SLIT2: variants seen among roughly 807,000 people sequenced by gnomAD.
SLIT2 encodes the protein slit guidance ligand 2, also known as slit homolog 2 protein.
SLIT2 carries 41 observed loss-of-function variants against 185.7 expected under a neutral mutation model. That is an observed-to-expected ratio of 0.22 (90% CI 0.17 to 0.29). The LOEUF (loss-of-function observed/expected upper bound fraction) is 0.29. Ranked by LOEUF, SLIT2 falls within the 10% of genes least tolerant of loss-of-function variation. The pLI is 1.00. For synonymous variants in SLIT2, 693 were observed against 680.2 expected (o/e 1.02, Z -0.29); for missense variants, 1,571 against 1,909.0 (o/e 0.82, Z 3.30).
intron 29 of SLIT2, among the ~76,000 whole-genome samples, chr4:20,585,402 T>A (rs897152757): frequency 6.6e-6 from 1 of 152,186 alleles, no homozygotes. Context: ...AAATCACAAA[T>A]GCCAGGCAAT....
rs1199019851 is a variant in SLIT2 at position 20,593,851 on chromosome 4, C to A, written c.3183-1846C>A. ...GGGGTACAAACACAGTTCTGTAAAA[C>A]CTGAATTCTGCAAAGCCTGAATTCT... On this transcript the variant is annotated intron_variant, in intron 30 of 36. Transcript: ENST00000504154. Among the ~76,000 whole-genome samples the A allele has an allele frequency of 6.6e-5, 10 of 151,820 alleles. 1 individual carries two copies. The South Asian group carries it at 2.1e-3, about 32-fold the overall frequency.
In SLIT2 at chr4:20,254,703, C is replaced by A. The variant is rs1346606901; in HGVS notation, c.179+709C>A. Among the ~76,000 whole-genome samples the A allele has an allele frequency of 6.6e-6, 1 of 152,090 alleles. No individual in the cohort carries two copies. The highest frequency in any genetic ancestry group is 2.4e-5 in the African/African-American group (1 of 41,432). ...GGAGGACCGTGTCCCATCCGTTAAG[C>A]GAAGTTAGCACTGGTTCTCCAGCGC... On this transcript the variant is annotated intron_variant, in intron 1 of 36. Transcript: ENST00000504154. This position sits in a 1 kb window ranked among gnomAD's most constrained non-coding sequence, Gnocchi z 5.1.
intron 4 of SLIT2, among the ~76,000 whole-genome samples, chr4:20,460,527 T>C (rs1022758496): frequency 1.3e-5 from 2 of 152,146 alleles, no homozygotes; most frequent in Non-Finnish European, 2.9e-5. Context: ...TATGATATAT[T>C]GTCATTAACT....
intron 29 of SLIT2, among the ~76,000 whole-genome samples, chr4:20,582,691 C>G (rs1262835054): frequency 6.6e-6 from 1 of 152,112 alleles, no homozygotes; most frequent in Admixed American, 6.6e-5. Context: ...TCTTAGCATC[C>G]TCAGTGTACA....
chr4:20,330,001 T>G lies in SLIT2; in HGVS notation c.395+61120T>G, dbSNP rs1719927920. On this transcript the variant is annotated intron_variant, in intron 4 of 36. Transcript: ENST00000504154. The stretch of plus-strand genomic sequence containing the variant: ...AATTTTATCATTTTTTATTTTCTTC[T>G]TTGCCTCTTTTATTTCCTTTTTCTT... 3.9e-5 allele frequency among the ~76,000 whole-genome samples: 6 copies of G among 152,178 alleles called. No individual in the cohort carries two copies. In the South Asian group the frequency reaches 1.2e-3, roughly 32 times the overall value.
chr4:20,422,090 C>T (rs1728213265), intron 4 of SLIT2, among the ~76,000 whole-genome samples: 1 of 152,124 alleles, frequency 6.6e-6, no homozygotes, highest in South Asian at 2.1e-4. Context: ...CAAGTTCACA[C>T]TTCATAATAC....
intron 5 of SLIT2, among the ~76,000 whole-genome samples, chr4:20,477,130 G>A (rs141469478): frequency 1.4e-5 from 2 of 147,406 alleles, no homozygotes; most frequent in East Asian, 4.0e-4. Flanking sequence ...TTATTCTAGG[G>A]CATCAGAAGA....
At chr4:20,423,284 T>A (rs1023547950) in intron 4 of SLIT2, among the ~76,000 whole-genome samples, 1 of 152,014 alleles carries the variant, frequency 6.6e-6, no homozygotes, top group African/African-American at 2.4e-5. Context: ...AAAAGGAGAC[T>A]TAGGACAATG....
intron 9 of SLIT2, among the ~76,000 whole-genome samples, chr4:20,501,670 A>G (rs1187104443): frequency 6.6e-6 from 1 of 152,192 alleles, no homozygotes; most frequent in Non-Finnish European, 1.5e-5. Flanking sequence ...AAAACAGTGT[A>G]AAAAGAATTA....
chr4:20,472,484 C>CTATA (rs1171537168), intron 5 of SLIT2, among the ~76,000 whole-genome samples: 4 of 14,714 alleles, frequency 2.7e-4, no homozygotes, highest in African/African-American at 1.1e-3. Flanking sequence ...AGATATATAT[C>CTATA]TATATATAGA....
intron 15 of SLIT2, 26 bp downstream of exon 15, chr4:20,525,198 A>C: frequency 6.5e-7 from 1 of 1,548,890 alleles, no homozygotes; most frequent in Non-Finnish European, 8.9e-7. Context: ...TAGTAGGACT[A>C]ACTACAGACA....
At chr4:20,527,827 T>C (rs1036317039) in intron 15 of SLIT2, among the ~76,000 whole-genome samples, 1 of 152,214 alleles carries the variant, frequency 6.6e-6, no homozygotes. Context: ...TCTTTCCTTC[T>C]TGGTGATCTT....
At chr4:20,466,207 G>C (rs992110101) in intron 4 of SLIT2, among the ~76,000 whole-genome samples, 1 of 151,912 alleles carries the variant, frequency 6.6e-6, no homozygotes. Flanking sequence ...TGTCATCGAG[G>C]CTTTTAAATA....
chr4:20,616,161 T>G (rs916089197), intron 34 of SLIT2: 13 of 152,366 alleles, frequency 8.5e-5, no homozygotes, highest in African/African-American at 3.1e-4. Context: ...GAAAAAATGA[T>G]GTGAATGAGG....
At chr4:20,492,814 A>G (rs1717897822) in intron 9 of SLIT2, among the ~76,000 whole-genome samples, 1 of 152,192 alleles carries the variant, frequency 6.6e-6, no homozygotes, top group Non-Finnish European at 1.5e-5. Flanking sequence ...TTTAATTATG[A>G]TAATAAAGTA....
intron 15 of SLIT2, among the ~76,000 whole-genome samples, chr4:20,527,117 A>T (rs1039865802): frequency 6.6e-6 from 1 of 152,224 alleles, no homozygotes; most frequent in African/African-American, 2.4e-5. Flanking sequence ...TGAAAAGTTC[A>T]TTAAAAAGTG....
intron 22 of SLIT2, among the ~76,000 whole-genome samples, chr4:20,546,862 C>G (rs1424872801): frequency 6.6e-6 from 1 of 151,782 alleles, no homozygotes; most frequent in African/African-American, 2.4e-5. Flanking sequence ...GAAAACTTTT[C>G]AGAACACAAA....
chr4:20,322,161 C>T (rs1218317402), intron 4 of SLIT2, among the ~76,000 whole-genome samples: 1 of 152,156 alleles, frequency 6.6e-6, no homozygotes, highest in Admixed American at 6.5e-5. Context: ...CATATGTGAA[C>T]CTCCAAATCT....
intron 5 of SLIT2, among the ~76,000 whole-genome samples, chr4:20,474,160 T>C (rs1044126758): frequency 6.6e-6 from 1 of 151,988 alleles, no homozygotes; most frequent in African/African-American, 2.4e-5. Flanking sequence ...TTTACTTAGA[T>C]AGATAGTAAA....
Sources: gnomAD v4.1 joint callset for allele counts (sites outside exome capture counted in the v4.1 genomes callset) on GRCh38, gnomAD v4.1.1 for gene constraint, Gnocchi (gnomAD v3.1) non-coding constraint, MANE v1.5 for transcripts, NCBI Gene and HGNC (gene_info 2026-07-23, HGNC 2026-07-21) for gene names.